Variants in MYH10 observed in about 807,000 individuals in gnomAD.
The protein encoded by MYH10 is myosin heavy chain 10, also known as myosin-10.
A neutral mutation model predicts 257.8 loss-of-function variants in MYH10; 55 were observed. The ratio of observed to expected loss-of-function variants is 0.21; its 90% CI spans 0.17 to 0.27. MYH10 has a LOEUF of 0.27. MYH10 is among the 10% of genes least tolerant of loss of function. The pLI is 1.00. For missense variants in MYH10, 1,631 were observed against 2,500.6 expected (o/e 0.65, Z 7.42); for synonymous variants, 854 against 921.7 (o/e 0.93, Z 1.33).
In MYH10 at chr17:8,592,950, T is replaced by C. The variant is rs1163542464; in HGVS notation, c.503-3842A>G. 3.2e-3 allele frequency among the ~76,000 whole-genome samples: 356 copies of C among 110,618 alleles called. 43 individuals are homozygous for C. The highest frequency in any genetic ancestry group is 5.6e-3 in the South Asian group (18 of 3,238). The allele number at this position is 110,618 out of a possible 152,430, so 72.6% of individuals were successfully genotyped here. On this transcript the variant is annotated intron_variant, in intron 3 of 42. Transcript: ENST00000360416. ...AAATCCAGCTATATATATATATATA[T>C]ATATATATATATATATATATAAAAG... is the stretch of plus-strand genomic sequence containing the variant.
At chr17:8,568,925 T>A (rs946201335) in intron 7 of MYH10, among the ~76,000 whole-genome samples, 2 of 151,372 alleles carry the variant, frequency 1.3e-5, no homozygotes, top group Non-Finnish European at 3.0e-5. Context: ...TAAGGAGAAT[T>A]TTTAGGCTGG....
chr17:8,492,169 C>T, intron 34 of MYH10, 128 bp downstream of exon 34: 2 of 889,162 alleles, frequency 2.2e-6, no homozygotes, highest in East Asian at 4.8e-5. Context: ...TCCTAGATGG[C>T]TTTGCTGCTG....
chr17:8,559,304 C>T (rs995322461), intron 7 of MYH10, among the ~76,000 whole-genome samples: 1 of 152,114 alleles, frequency 6.6e-6, no homozygotes, highest in Non-Finnish European at 1.5e-5. Context: ...AAATTGAAAA[C>T]TTCTGATTTT....
intron 17 of MYH10, among the ~76,000 whole-genome samples, chr17:8,523,956 G>C (rs1358873220): frequency 5.9e-5 from 9 of 152,186 alleles, no homozygotes; most frequent in Non-Finnish European, 1.3e-4. Flanking sequence ...GTAAGTCTGG[G>C]ATGCCTGGGG....
chr17:8,479,207 G>A (rs1429716852), intron 40 of MYH10, among the ~76,000 whole-genome samples: 1 of 151,902 alleles, frequency 6.6e-6, no homozygotes, highest in Non-Finnish European at 1.5e-5. Context: ...CTATTGTGAT[G>A]TAGAGGGCTT....
chr17:8,578,474 C>A lies in MYH10; in HGVS notation c.531-1136G>T, dbSNP rs568354888. 3.3e-5 allele frequency among the ~76,000 whole-genome samples: 5 copies of A among 152,164 alleles called. No individual in the cohort carries two copies. The South Asian group carries it at 1.0e-3, about 32-fold the overall frequency. ...GGCTAGGCTGGTCTCAAACCCCTGA[C>A]CTCAAGTGATCCACCTGCCCAGCCT... On this transcript the variant is annotated intron_variant, in intron 4 of 42. Transcript: ENST00000360416.
At position 8,535,411 on chromosome 17, in the gene MYH10, A is replaced by G; in HGVS notation, c.1870T>C (p.Phe624Leu). 1 of 1,613,928 alleles carries G rather than the reference A, an allele frequency of 6.2e-7. No homozygotes were observed. The highest frequency in any genetic ancestry group is 1.3e-5 in the African/African-American group (1 of 75,044). Residue 624 changes from phenylalanine (F) to leucine (L), a missense_variant, in exon 16 of 43, where the codon TTT becomes CTT. Around this residue, in one of 11 missense-constraint regions of MYH10, gnomAD observed 96 missense variants for 146.2 expected, o/e 0.66. Coordinates refer to ENST00000360416, the MANE Select transcript of MYH10 (RefSeq NM_001256012.3). This position sits in a 1 kb window ranked among gnomAD's most constrained non-coding sequence, Gnocchi z 4.3. The part of the protein sequence containing the change: ...ATLLHQSSDR[F>L]VAELWKDEIQ... ...CCATCTTTCCAAAGCTCTGCCACAA[A>G]TCTGTCTGATGACTGGTGCAAAAGG...
chr17:8,481,424 A>T lies in MYH10; in HGVS notation c.5176-14T>A. 6.2e-7 allele frequency: 1 copy of T among 1,612,714 alleles called. No homozygotes were observed. Among genetic ancestry groups the T allele is most frequent in the Non-Finnish European group, 8.5e-7 (1 of 1,179,192 alleles). ...TGAGGCAAGTTCCTAAGCAGTGGAGACTGCGTTAAGCTCTGGCTGTGAATA... is the reference window on the plus strand; with the variant it reads ...TGAGGCAAGTTCCTAAGCAGTGGAGTCTGCGTTAAGCTCTGGCTGTGAATA... On this transcript the variant is annotated splice_polypyrimidine_tract_variant and intron_variant, in intron 37 of 42. Coordinates refer to ENST00000360416, the MANE Select transcript of MYH10 (RefSeq NM_001256012.3).
At chr17:8,568,986 C>T (rs2083249401) in intron 7 of MYH10, among the ~76,000 whole-genome samples, 1 of 150,080 alleles carries the variant, frequency 6.7e-6, no homozygotes, top group African/African-American at 2.4e-5. Flanking sequence ...CTGAGGCTTC[C>T]AGCGATCCTC....
intron 7 of MYH10, among the ~76,000 whole-genome samples, chr17:8,567,410 C>T (rs994948366): frequency 3.9e-5 from 6 of 152,186 alleles, no homozygotes; most frequent in African/African-American, 9.7e-5. Flanking sequence ...GAAAATACAT[C>T]CCTATTTCTT....
chr17:8,531,208 A>G (rs943289688), intron 16 of MYH10, among the ~76,000 whole-genome samples: 20 of 152,224 alleles, frequency 1.3e-4, no homozygotes, highest in Admixed American at 2.6e-4. Context: ...GATAACTACC[A>G]TTAAGGAAAA....
In MYH10 at chr17:8,545,382, G is replaced by T; in HGVS notation, c.1431+66C>A. 1.3e-6 allele frequency: 2 copies of T among 1,565,608 alleles called. No homozygotes were observed. The highest frequency in any genetic ancestry group is 1.8e-6 in the Non-Finnish European group (2 of 1,142,292). ...CTCGTATGTACTGGGCACACAGTAA[G>T]CCTTCATATTTGTTAAAAGAACAAA... On this transcript the variant is annotated intron_variant, in intron 13 of 42. Coordinates refer to ENST00000360416, the MANE Select transcript of MYH10 (RefSeq NM_001256012.3). This position sits in a 1 kb window ranked among gnomAD's most constrained non-coding sequence, Gnocchi z 4.7.
intron 6 of MYH10, among the ~76,000 whole-genome samples, chr17:8,576,165 T>C (rs2083491254): frequency 6.6e-6 from 1 of 152,138 alleles, no homozygotes; most frequent in Non-Finnish European, 1.5e-5. Flanking sequence ...ATATATTAAA[T>C]ATAATTGGGC....
rs760274380 is a variant in MYH10 at position 8,548,794 on chromosome 17, G to A, written c.920-7C>T. Reference sequence around the variant, plus strand: ...CCTTCAAGAAGCAAATCAGCTAAAAGGAAATATAATGGAAGAAAATTTGAT... The same window carrying A: ...CCTTCAAGAAGCAAATCAGCTAAAAAGAAATATAATGGAAGAAAATTTGAT... On this transcript the variant is annotated splice_polypyrimidine_tract_variant and splice_region_variant and intron_variant, in intron 9 of 42. Coordinates refer to ENST00000360416, the MANE Select transcript of MYH10 (RefSeq NM_001256012.3). The A allele has an allele frequency of 1.2e-6, 2 of 1,606,338 alleles. No homozygotes were observed. Among genetic ancestry groups the A allele is most frequent in the Non-Finnish European group, 1.7e-6 (2 of 1,173,816 alleles).
intron 4 of MYH10, among the ~76,000 whole-genome samples, chr17:8,580,808 A>C (rs2083676708): frequency 6.6e-6 from 1 of 152,218 alleles, no homozygotes; most frequent in South Asian, 2.1e-4. Flanking sequence ...AATAGAGTCC[A>C]TGTCCTTGTG....
At chr17:8,486,308 G>C (rs115652230) in intron 36 of MYH10, among the ~76,000 whole-genome samples, 1 of 152,160 alleles carries the variant, frequency 6.6e-6, no homozygotes, top group East Asian at 1.9e-4. Context: ...ACACTAAACT[G>C]GCGAATTGTG....
In MYH10 at chr17:8,552,996, C is replaced by T. The variant is rs1183724605; in HGVS notation, c.821-852G>A. ...ACAGTCACACCGGCATCTCAGAGAA[C>T]GTGTATCACAGCTTTGGAAGATGTT... On this transcript the variant is annotated intron_variant, in intron 8 of 42. Coordinates refer to ENST00000360416, the MANE Select transcript of MYH10 (RefSeq NM_001256012.3). This position sits in a 1 kb window ranked among gnomAD's most constrained non-coding sequence, Gnocchi z 4.8. Among the ~76,000 whole-genome samples the T allele has an allele frequency of 6.6e-6, 1 of 152,186 alleles. No individual in the cohort carries two copies. The highest frequency in any genetic ancestry group is 1.5e-5 in the Non-Finnish European group (1 of 68,036).
At chr17:8,591,541 C>T (rs1232736634) in intron 3 of MYH10, among the ~76,000 whole-genome samples, 1 of 152,190 alleles carries the variant, frequency 6.6e-6, no homozygotes, top group Non-Finnish European at 1.5e-5. Flanking sequence ...TTTTCCTGGT[C>T]TTAGCAATTT....
chr17:8,499,171 G>T, intron 30 of MYH10, 99 bp downstream of exon 30: 2 of 1,196,492 alleles, frequency 1.7e-6, no homozygotes, highest in Non-Finnish European at 2.4e-6. Flanking sequence ...GTGTCGCACA[G>T]CACATTGGCC....
Sources: gnomAD v4.1 joint callset for allele counts (sites outside exome capture counted in the v4.1 genomes callset) on GRCh38, gnomAD v4.1.1 for gene constraint, gnomAD v4.1.1 regional missense constraint, Gnocchi (gnomAD v3.1) non-coding constraint, MANE v1.5 for transcripts, NCBI Gene and HGNC (gene_info 2026-07-23, HGNC 2026-07-21) for gene names.